Variants in FAM227B observed in about 807,000 individuals in gnomAD.
FAM227B encodes the protein protein FAM227B.
FAM227B carries 88 observed loss-of-function variants against 73.8 expected under a neutral mutation model. The ratio of observed to expected loss-of-function variants is 1.19; its 90% CI spans 1.00 to 1.42. The LOEUF (loss-of-function observed/expected upper bound fraction) is 1.42, where lower values mean the gene tolerates loss of function less well. FAM227B is among the 40% of genes most tolerant of loss of function. The probability of loss-of-function intolerance (pLI) is 0.00; values close to 1 mark genes in which losing one functional copy is unlikely to be tolerated. For synonymous variants in FAM227B, 210 were observed against 190.5 expected, an observed-to-expected ratio of 1.10 and a Z score of -0.84; for missense variants, 632 against 590.9, an observed-to-expected ratio of 1.07 and a Z score of -0.72.
chr15:49,422,965 A>G, intron 11 of FAM227B: 1 of 352,706 alleles, frequency 2.8e-6, no homozygotes, highest in Non-Finnish European at 5.2e-6. Flanking sequence ...TAATTTTCCA[A>G]GTATAATACA....
chr15:49,459,446 TTTC>T (rs2053596504), intron 11 of FAM227B, among the ~76,000 whole-genome samples: 2 of 152,038 alleles, frequency 1.3e-5, no homozygotes, highest in South Asian at 2.1e-4. Flanking sequence ...TGCTGTTTTC[TTTC>T]TTTTCTTTTT....
At chr15:49,376,169 CT>C (rs982461690) in intron 11 of FAM227B, among the ~76,000 whole-genome samples, 2 of 152,032 alleles carry the variant, frequency 1.3e-5, no homozygotes, top group Admixed American at 1.3e-4. Flanking sequence ...AATTTTGTTG[CT>C]TTTTTGGTGT....
chr15:49,481,965 A>G (rs1271950253), intron 11 of FAM227B, among the ~76,000 whole-genome samples: 2 of 152,170 alleles, frequency 1.3e-5, no homozygotes, highest in Non-Finnish European at 2.9e-5. Context: ...TTATCCAGGT[A>G]GCAAAAATGA....
intron 10 of FAM227B, 25 bp downstream of exon 10, chr15:49,541,655 T>C: frequency 7.3e-7 from 1 of 1,378,110 alleles, no homozygotes; most frequent in South Asian, 2.1e-5. Context: ...AAACAATGAT[T>C]AATATTTAAA....
intron 9 of FAM227B, among the ~76,000 whole-genome samples, chr15:49,557,301 T>C (rs769991084): frequency 2.0e-5 from 3 of 152,176 alleles, no homozygotes; most frequent in Admixed American, 6.5e-5. Context: ...GTACCTTTAA[T>C]TGAGGGACAT....
rs1482398961 is a variant in FAM227B, at chr15:49,366,671, C to T, written c.1271+777G>A. 6 of 1,527,448 alleles carry T rather than the reference C, an allele frequency of 3.9e-6. No homozygotes were observed. The Admixed American group carries it at 5.0e-5, about 13-fold the overall frequency. The allele number at this position is 1,527,448 out of a possible 1,614,324, so 94.6% of individuals were successfully genotyped here. A position where few individuals can be genotyped will look rare whatever the true frequency, so the allele number is the denominator to read the frequency against. On this transcript the variant is annotated intron_variant, in intron 13 of 15. Transcript: ENST00000299338. ...GGCGGCCGTGGCAGGGGACAGCCGCCGCTGCGGCCCCATCGGACTGGTGGG... is the reference window on the plus strand; with the variant it reads ...GGCGGCCGTGGCAGGGGACAGCCGCTGCTGCGGCCCCATCGGACTGGTGGG...
chr15:49,331,892 C>CT, intron 14 of FAM227B, 43 bp from the exon 15 acceptor site: 1 of 1,126,054 alleles, frequency 8.9e-7, no homozygotes, highest in South Asian at 1.2e-5. Flanking sequence ...ACTAATTGTC[C>CT]TTATATTGAC....
chr15:49,394,235 A>G (rs2047413935), intron 11 of FAM227B, among the ~76,000 whole-genome samples: 1 of 152,180 alleles, frequency 6.6e-6, no homozygotes, highest in Middle Eastern at 3.2e-3. Flanking sequence ...AAATGAAGAT[A>G]TATTTGTGAA....
intron 10 of FAM227B, among the ~76,000 whole-genome samples, chr15:49,538,489 G>T (rs1258464660): frequency 6.6e-6 from 1 of 152,144 alleles, no homozygotes; most frequent in African/African-American, 2.4e-5. Flanking sequence ...GTCCCCAGGG[G>T]GTGAGGTGCT....
chr15:49,466,731 T>C (rs183597235), intron 11 of FAM227B, among the ~76,000 whole-genome samples: 14 of 152,280 alleles, frequency 9.2e-5, no homozygotes, highest in East Asian at 7.7e-4. Context: ...TGGATATACA[T>C]TGGTAATATA....
intron 11 of FAM227B, among the ~76,000 whole-genome samples, chr15:49,495,191 G>C (rs1314807283): frequency 6.6e-6 from 1 of 152,164 alleles, no homozygotes; most frequent in Non-Finnish European, 1.5e-5. Context: ...ATCTGGGGGA[G>C]GTATTTGCAG....
At chr15:49,374,064 T>C (rs2046004886) in intron 11 of FAM227B, among the ~76,000 whole-genome samples, 1 of 152,176 alleles carries the variant, frequency 6.6e-6, no homozygotes, top group South Asian at 2.1e-4. Flanking sequence ...CCATGATTCC[T>C]GATTTGGGTA....
chr15:49,432,247 C>T (rs1328523768), intron 11 of FAM227B, among the ~76,000 whole-genome samples: 1 of 151,598 alleles, frequency 6.6e-6, no homozygotes, highest in African/African-American at 2.4e-5. Flanking sequence ...ACTCAGCTTG[C>T]AGAATTTTCT....
intron 9 of FAM227B, among the ~76,000 whole-genome samples, chr15:49,542,346 T>C (rs2071193590): frequency 6.6e-6 from 1 of 152,126 alleles, no homozygotes; most frequent in African/African-American, 2.4e-5. Context: ...TTGATTTCAA[T>C]AGTTTTGGGG....
At chr15:49,401,209 T>C (rs1217349164) in intron 11 of FAM227B, among the ~76,000 whole-genome samples, 1 of 152,230 alleles carries the variant, frequency 6.6e-6, no homozygotes, top group Non-Finnish European at 1.5e-5. Flanking sequence ...CAGACACTTC[T>C]CAAAAGAAGA....
At chr15:49,583,642 G>T (rs2075961053) in intron 5 of FAM227B, among the ~76,000 whole-genome samples, 1 of 141,654 alleles carries the variant, frequency 7.1e-6, no homozygotes, top group Non-Finnish European at 1.5e-5. Flanking sequence ...TAATAAACTT[G>T]CTTTCACTTG....
intron 9 of FAM227B, among the ~76,000 whole-genome samples, chr15:49,564,857 G>C (rs1391263165): frequency 6.6e-6 from 1 of 151,674 alleles, no homozygotes; most frequent in Non-Finnish European, 1.5e-5. Flanking sequence ...GGGAGGTGTT[G>C]GGGGTGAGGA....
intron 11 of FAM227B, among the ~76,000 whole-genome samples, chr15:49,469,509 T>TA (rs1175844506): frequency 6.6e-6 from 1 of 152,098 alleles, no homozygotes; most frequent in Non-Finnish European, 1.5e-5. Context: ...CTCCCTTTCT[T>TA]AGAGTCAGAA....
chr15:49,553,711 C>T (rs996429408), intron 9 of FAM227B, among the ~76,000 whole-genome samples: 3 of 152,238 alleles, frequency 2.0e-5, no homozygotes, highest in African/African-American at 7.2e-5. Flanking sequence ...GCCACACTAT[C>T]AGCCAATGTT....
Sources: gnomAD v4.1 joint callset for allele counts (sites outside exome capture counted in the v4.1 genomes callset) on GRCh38, gnomAD v4.1.1 for gene constraint, MANE v1.5 for transcripts, NCBI Gene and HGNC (gene_info 2026-07-23, HGNC 2026-07-21) for gene names.